The following SLC24A3 variants were observed in gnomAD, a reference collection of about 807,000 sequenced individuals.
SLC24A3 encodes the protein solute carrier family 24 member 3, also known as sodium/potassium/calcium exchanger 3.
A neutral mutation model predicts 75.8 loss-of-function variants in SLC24A3; 28 were observed. The observed-to-expected ratio is 0.37, with a 90% CI of 0.27 to 0.51. The LOEUF (loss-of-function observed/expected upper bound fraction) is 0.51. Among genes scored for constraint, SLC24A3 ranks in the 20% least tolerant of loss-of-function variants. SLC24A3 has a pLI of 0.94. For missense variants in SLC24A3, 663 were observed against 847.8 expected (o/e 0.78, Z 2.71); for synonymous variants, 372 against 334.1 (o/e 1.11, Z -1.24).
At chr20:19,670,560 A>G (rs983809169) in intron 8 of SLC24A3, among the ~76,000 whole-genome samples, 86 of 152,380 alleles carry the variant, frequency 5.6e-4, no homozygotes, top group African/African-American at 1.9e-3. Flanking sequence ...ACTTAATTCA[A>G]TCTGACTACA....
chr20:19,659,257 G>C (rs1041630934), intron 7 of SLC24A3, among the ~76,000 whole-genome samples: 1 of 152,230 alleles, frequency 6.6e-6, no homozygotes, highest in African/African-American at 2.4e-5. Flanking sequence ...ACAGCAGCGA[G>C]GTTCCTTTAC....
At chr20:19,545,098 T>C (rs1057458474) in intron 3 of SLC24A3, among the ~76,000 whole-genome samples, 1 of 152,222 alleles carries the variant, frequency 6.6e-6, no homozygotes, top group African/African-American at 2.4e-5. Flanking sequence ...ATTGTTTTGC[T>C]TCCAGTGTTT....
At chr20:19,304,682 A>G (rs1389676847) in intron 2 of SLC24A3, among the ~76,000 whole-genome samples, 1 of 152,202 alleles carries the variant, frequency 6.6e-6, no homozygotes, top group Non-Finnish European at 1.5e-5. Context: ...ATGAATATGA[A>G]AATTTCTCAA....
In SLC24A3 at chr20:19,480,306, AGAG is replaced by A. The variant is rs528431821; in HGVS notation, c.272-35178_272-35176del. 1.7e-3 allele frequency among the ~76,000 whole-genome samples: 259 copies of A among 152,266 alleles called. 1 individual carries two copies. The highest frequency in any genetic ancestry group is 5.8e-3 in the African/African-American group (241 of 41,554). Reference sequence around the variant, plus strand: ...CTGGGGCTGTTTTCTCCTTTGGACTAGAGGAGAGGTTCTAATCATTGATGATTC... The same window carrying A: ...CTGGGGCTGTTTTCTCCTTTGGACTAGAGAGGTTCTAATCATTGATGATTC... On this transcript the variant is annotated intron_variant, in intron 2 of 16. Transcript: ENST00000328041.
At chr20:19,680,722 C>G (rs898818924) in intron 9 of SLC24A3, among the ~76,000 whole-genome samples, 17 of 152,216 alleles carry the variant, frequency 1.1e-4, no homozygotes, top group Admixed American at 1.0e-3. Context: ...CAGAGGACCT[C>G]TTCGTCTCTC....
At chr20:19,263,364 G>C (rs533361793) in intron 1 of SLC24A3, among the ~76,000 whole-genome samples, 69 of 152,294 alleles carry the variant, frequency 4.5e-4, no homozygotes, top group African/African-American at 1.6e-3. Flanking sequence ...AATATTGCTT[G>C]TTTTCAAGGG....
intron 2 of SLC24A3, among the ~76,000 whole-genome samples, chr20:19,464,111 G>C (rs1227534784): frequency 6.6e-6 from 1 of 152,228 alleles, no homozygotes; most frequent in Non-Finnish European, 1.5e-5. Flanking sequence ...AAGGTGTCAT[G>C]AAAGGCTCTT....
At chr20:19,693,741 T>A (rs1600344322) in intron 13 of SLC24A3, 2 of 250,918 alleles carry the variant, frequency 8.0e-6, no homozygotes, top group East Asian at 1.5e-4. Context: ...CTCATTTTCT[T>A]TGTACCAGAG....
chr20:19,254,677 C>A (rs1466294776), intron 1 of SLC24A3, among the ~76,000 whole-genome samples: 1 of 152,214 alleles, frequency 6.6e-6, no homozygotes, highest in African/African-American at 2.4e-5. Context: ...GGTGGCCACA[C>A]ATGTTCCCTG....
intron 2 of SLC24A3, among the ~76,000 whole-genome samples, chr20:19,436,733 C>G (rs968617683): frequency 6.6e-6 from 1 of 152,200 alleles, no homozygotes; most frequent in African/African-American, 2.4e-5. Context: ...GGGACTCTCT[C>G]CCCATCTCTA....
chr20:19,223,933 A>G (rs1981802119), intron 1 of SLC24A3, among the ~76,000 whole-genome samples: 1 of 152,258 alleles, frequency 6.6e-6, no homozygotes, highest in Non-Finnish European at 1.5e-5. Flanking sequence ...CAGGCGGGAC[A>G]GAGCATGACA....
intron 16 of SLC24A3, among the ~76,000 whole-genome samples, chr20:19,717,934 C>T (rs1451343296): frequency 6.6e-6 from 1 of 152,144 alleles, no homozygotes; most frequent in African/African-American, 2.4e-5. Context: ...CATACGAATC[C>T]ATGAATTTGA....
chr20:19,553,981 A>G (rs192799419), intron 3 of SLC24A3, among the ~76,000 whole-genome samples: 136 of 152,320 alleles, frequency 8.9e-4, no homozygotes, highest in Non-Finnish European at 8.8e-5. Context: ...GAAAAGGCAG[A>G]AATTGACTCT....
At chr20:19,600,307 G>C (rs577763215) in intron 6 of SLC24A3, among the ~76,000 whole-genome samples, 1 of 152,250 alleles carries the variant, frequency 6.6e-6, no homozygotes, top group South Asian at 2.1e-4. Context: ...CACCTACTAA[G>C]AGTCATCATA....
At chr20:19,669,898 G>A (rs1450784545) in intron 8 of SLC24A3, among the ~76,000 whole-genome samples, 2 of 152,134 alleles carry the variant, frequency 1.3e-5, no homozygotes, top group Admixed American at 6.5e-5. Flanking sequence ...ATGGAAGCCT[G>A]GGGAGGGAAG....
At chr20:19,375,987 G>T (rs1399502815) in intron 2 of SLC24A3, among the ~76,000 whole-genome samples, 1 of 152,184 alleles carries the variant, frequency 6.6e-6, no homozygotes, top group African/African-American at 2.4e-5. Flanking sequence ...TCTTGAGAGA[G>T]ACTGAAATAA....
At chr20:19,526,650 C>G (rs923482663) in intron 3 of SLC24A3, among the ~76,000 whole-genome samples, 2 of 152,158 alleles carry the variant, frequency 1.3e-5, no homozygotes, top group South Asian at 4.1e-4. Context: ...CCTCCATCTC[C>G]CCCACTATCA....
In SLC24A3 at chr20:19,560,397, C is replaced by T. The variant is rs111554270; in HGVS notation, c.349-19603C>T. 7.5e-4 allele frequency among the ~76,000 whole-genome samples: 114 copies of T among 152,302 alleles called. No individual in the cohort carries two copies. In the Middle Eastern group the frequency reaches 0.01, roughly 14 times the overall value. On this transcript the variant is annotated intron_variant, in intron 3 of 16. Transcript: ENST00000328041. The stretch of plus-strand genomic sequence containing the variant: ...AAACCCGGGCACTTTCAGGGTGCTC[C>T]GCACATGGGCTGAGAAAAGTTCTCT...
Position 19,585,396 on chromosome 20 carries a change from C to G in SLC24A3, c.509-45C>G, listed in dbSNP as rs757418702. ...GGTTCCCCATGCCCACCTTGGAATG[C>G]AACAGGGCCACAACAGCCAGGCTGA... On this transcript the variant is annotated intron_variant, in intron 5 of 16. Coordinates refer to ENST00000328041, the MANE Select transcript of SLC24A3 (RefSeq NM_020689.4). 10 of 1,582,000 alleles carry G rather than the reference C, an allele frequency of 6.3e-6. No homozygotes were observed. The African/African-American group carries it at 1.3e-4, about 21-fold the overall frequency.
Sources: allele counts gnomAD v4.1 joint callset (sites outside exome capture counted in the v4.1 genomes callset), GRCh38; gene constraint gnomAD v4.1.1; transcripts MANE v1.5; gene names NCBI Gene and HGNC (gene_info 2026-07-23, HGNC 2026-07-21).